Variants in DNAH8 observed in about 807,000 individuals in gnomAD.
DNAH8 encodes dynein axonemal heavy chain 8.
A neutral mutation model predicts 562.1 loss-of-function variants in DNAH8; 382 were observed. The observed-to-expected ratio is 0.68, with a 90% CI of 0.63 to 0.74. The LOEUF (loss-of-function observed/expected upper bound fraction) is 0.74. Ranked by LOEUF, DNAH8 falls within the 30% of genes least tolerant of loss-of-function variation. The pLI is 0.00. For missense variants in DNAH8, 5,203 were observed against 5,620.4 expected, an observed-to-expected ratio of 0.93 and a Z score of 2.37; for synonymous variants, 1,881 against 1,919.4, an observed-to-expected ratio of 0.98 and a Z score of 0.52.
At chr6:38,800,726 A>C (rs780540150) in intron 21 of DNAH8, among the ~76,000 whole-genome samples, 4 of 152,142 alleles carry the variant, frequency 2.6e-5, no homozygotes, top group African/African-American at 2.4e-5. Flanking sequence ...CATGTTGGCC[A>C]GGCTGGGCTC....
intron 3 of DNAH8, among the ~76,000 whole-genome samples, chr6:38,725,304 T>TATAATCATAATAATA (rs1554193003): frequency 1.5e-5 from 2 of 135,386 alleles, no homozygotes; most frequent in Non-Finnish European, 1.6e-5. Context: ...CTCCAACTCA[T>TATAATCATAATAATA]ATAATAATAA....
chr6:38,721,264 T>A (rs1447520514), intron 1 of DNAH8, among the ~76,000 whole-genome samples: 3 of 152,142 alleles, frequency 2.0e-5, no homozygotes, highest in Non-Finnish European at 2.9e-5. Context: ...CTGGTACTGT[T>A]TGGCAGTACC....
chr6:38,933,250 C>A lies in DNAH8; in HGVS notation c.11457+1257C>A, dbSNP rs142178291. 2.4e-4 allele frequency among the ~76,000 whole-genome samples: 36 copies of A among 152,292 alleles called. No homozygotes were observed. In the East Asian group the frequency reaches 6.6e-3, roughly 28 times the overall value. ...CTCCACTGTCTAAAGGTCCCCAGGG[C>A]TCCCCACACCCACTCTTCTTATTCC... On this transcript the variant is annotated intron_variant, in intron 76 of 92. Coordinates refer to ENST00000327475, the MANE Select transcript of DNAH8 (RefSeq NM_001206927.2).
At chr6:38,773,145 C>T (rs1307999124) in intron 12 of DNAH8, among the ~76,000 whole-genome samples, 1 of 151,756 alleles carries the variant, frequency 6.6e-6, no homozygotes, top group Non-Finnish European at 1.5e-5. Flanking sequence ...GGCAAATGTT[C>T]AGTTAGGCTA....
In DNAH8 at chr6:38,842,913, T is replaced by A; in HGVS notation, c.4845+10T>A. ...TAAGGATGATATTGAGGTACATAAG[T>A]GTATACGTTCTTATCAATGATCCAT... On this transcript the variant is annotated intron_variant, in intron 35 of 92. Transcript: ENST00000327475. 1.2e-6 allele frequency: 2 copies of A among 1,612,334 alleles called. No homozygotes were observed. The highest frequency in any genetic ancestry group is 1.7e-5 in the Admixed American group (1 of 59,874).
At chr6:38,787,749 C>A (rs967795354) in intron 18 of DNAH8, among the ~76,000 whole-genome samples, 6 of 146,168 alleles carry the variant, frequency 4.1e-5, no homozygotes, top group Admixed American at 6.8e-5. Context: ...TTGATTCAAT[C>A]TTTGATTCAA....
At chr6:38,813,237 C>T (rs1266212740) in intron 24 of DNAH8, among the ~76,000 whole-genome samples, 3 of 152,162 alleles carry the variant, frequency 2.0e-5, no homozygotes, top group African/African-American at 7.2e-5. Context: ...ATTGCAACAT[C>T]TTGAATTTCA....
intron 3 of DNAH8, among the ~76,000 whole-genome samples, chr6:38,728,165 G>C (rs1396448776): frequency 2.0e-5 from 3 of 151,842 alleles, no homozygotes; most frequent in Admixed American, 1.3e-4. Flanking sequence ...AGGAGATTTC[G>C]CCATGTTTCT....
chr6:38,940,188 T>G (rs1783321156), intron 79 of DNAH8, among the ~76,000 whole-genome samples: 1 of 152,188 alleles, frequency 6.6e-6, no homozygotes, highest in African/African-American at 2.4e-5. Flanking sequence ...TCTCTTTCAA[T>G]CTTCCCAACT....
intron 70 of DNAH8, among the ~76,000 whole-genome samples, chr6:38,919,678 A>G (rs1781554963): frequency 6.6e-6 from 1 of 152,132 alleles, no homozygotes; most frequent in African/African-American, 2.4e-5. Flanking sequence ...GAAAGCAAAA[A>G]ATCCTGGGGT....
intron 26 of DNAH8, among the ~76,000 whole-genome samples, chr6:38,821,340 A>G (rs1032441754): frequency 2.6e-5 from 4 of 152,242 alleles, no homozygotes; most frequent in Non-Finnish European, 4.4e-5. Flanking sequence ...ATGAAGAGAT[A>G]CATCATGCTC....
At chr6:38,905,534 G>A (rs1426061004) in intron 62 of DNAH8, among the ~76,000 whole-genome samples, 2 of 152,030 alleles carry the variant, frequency 1.3e-5, no homozygotes, top group South Asian at 2.1e-4. Context: ...TATTCATAAC[G>A]TATTTTGAAT....
intron 71 of DNAH8, among the ~76,000 whole-genome samples, chr6:38,922,793 TG>T (rs1781818045): frequency 1.3e-5 from 2 of 152,344 alleles, no homozygotes; most frequent in South Asian, 4.1e-4. Flanking sequence ...GAAATACTAT[TG>T]TAATTTGTCT....
chr6:38,757,942 AGTCAGGTAGCGT>A (rs1206304783), intron 10 of DNAH8, among the ~76,000 whole-genome samples: 5 of 152,166 alleles, frequency 3.3e-5, no homozygotes, highest in African/African-American at 1.2e-4. Context: ...TATAGTTTGA[AGTCAGGTAGCGT>A]GATGCCTCTA....
chr6:38,780,116 A>C (rs1434758024), intron 15 of DNAH8, 51 bp downstream of exon 15: 3 of 1,543,998 alleles, frequency 1.9e-6, no homozygotes, highest in East Asian at 2.3e-5. Context: ...AAAAGAAAAA[A>C]AATCTGAAAA....
chr6:38,765,335 T>G (rs987294445), intron 11 of DNAH8, among the ~76,000 whole-genome samples: 1 of 152,186 alleles, frequency 6.6e-6, no homozygotes, highest in Admixed American at 6.5e-5. Context: ...GTTTTTTTTG[T>G]TTTTGTTGCC....
intron 25 of DNAH8, 44 bp downstream of exon 25, chr6:38,814,173 G>A: frequency 1.7e-6 from 2 of 1,149,064 alleles, no homozygotes; most frequent in Non-Finnish European, 2.6e-6. Context: ...AGGTGCTTAA[G>A]AAGTATAGTA....
Position 39,010,767 on chromosome 6 carries a change from A to T in DNAH8, c.13372-1448A>T, listed in dbSNP as rs182802526. On this transcript the variant is annotated intron_variant, in intron 89 of 92. Transcript: ENST00000327475. ...AGGGAATTATATATAGATATAATTT[A>T]TATATATATATATACACACACACGC... Among the ~76,000 whole-genome samples the T allele has an allele frequency of 3.0e-4, 42 of 139,242 alleles. 1 individual carries two copies. Among genetic ancestry groups the T allele is most frequent in the Admixed American group, 2.7e-3 (36 of 13,154 alleles). 91.3% of individuals were successfully genotyped at this position (139,242 alleles called of 152,430 possible). A position where few individuals can be genotyped will look rare whatever the true frequency, so the allele number is the denominator to read the frequency against.
chr6:38,947,575 T>G (rs1375421903), intron 80 of DNAH8, among the ~76,000 whole-genome samples: 1 of 152,122 alleles, frequency 6.6e-6, no homozygotes, highest in Non-Finnish European at 1.5e-5. Context: ...TTCCTGTGCC[T>G]CAGCTGCAGA....
Sources: gnomAD v4.1 joint callset for allele counts (sites outside exome capture counted in the v4.1 genomes callset) on GRCh38, gnomAD v4.1.1 for gene constraint, MANE v1.5 for transcripts, NCBI Gene and HGNC (gene_info 2026-07-23, HGNC 2026-07-21) for gene names.